The following NRG3 variants were observed in gnomAD, a reference collection of about 807,000 sequenced individuals.
NRG3 encodes neuregulin 3.
A neutral mutation model predicts 66.9 loss-of-function variants in NRG3; 31 were observed. The ratio of observed to expected loss-of-function variants is 0.46; its 90% CI spans 0.35 to 0.63. The LOEUF (loss-of-function observed/expected upper bound fraction) is 0.63, where lower values mean the gene tolerates loss of function less well. Ranked by LOEUF, NRG3 falls within the 20% of genes least tolerant of loss-of-function variation. NRG3 has a pLI of 0.00. For missense variants in NRG3, 910 were observed against 878.9 expected, an observed-to-expected ratio of 1.04 and a Z score of -0.45; for synonymous variants, 393 against 359.4, an observed-to-expected ratio of 1.09 and a Z score of -1.06.
At chr10:82,390,456 T>G (rs755503952) in intron 2 of NRG3, among the ~76,000 whole-genome samples, 1 of 152,082 alleles carries the variant, frequency 6.6e-6, no homozygotes, top group Non-Finnish European at 1.5e-5. Context: ...GAGGAAGAAG[T>G]ATATTCTTTA....
At chr10:82,534,066 A>G (rs1847571921) in intron 2 of NRG3, among the ~76,000 whole-genome samples, 1 of 152,198 alleles carries the variant, frequency 6.6e-6, no homozygotes, top group African/African-American at 2.4e-5. Context: ...AACTTAACTA[A>G]GAAGGTAAAT....
chr10:82,811,131 T>A (rs542055654), intron 3 of NRG3, among the ~76,000 whole-genome samples: 1 of 152,314 alleles, frequency 6.6e-6, no homozygotes, highest in South Asian at 2.1e-4. Flanking sequence ...CAAGCATATA[T>A]ACATACAAAC....
At chr10:82,564,124 A>G (rs1186344535) in intron 2 of NRG3, among the ~76,000 whole-genome samples, 2 of 152,290 alleles carry the variant, frequency 1.3e-5, no homozygotes, top group Middle Eastern at 3.4e-3. Context: ...AGTTTAGATA[A>G]TGAATAAAAT....
chr10:82,328,630 A>T (rs1396949113), intron 1 of NRG3, among the ~76,000 whole-genome samples: 1 of 152,160 alleles, frequency 6.6e-6, no homozygotes, highest in East Asian at 1.9e-4. Flanking sequence ...TAACCTCACC[A>T]TAGTCAGGGT....
chr10:82,793,725 A>G lies in NRG3; in HGVS notation c.1027+55075A>G, dbSNP rs1369582757. Among the ~76,000 whole-genome samples, 4 of 152,248 alleles carry G rather than the reference A, an allele frequency of 2.6e-5. No individual in the cohort carries two copies. The South Asian group carries it at 6.2e-4, about 24-fold the overall frequency. ...TCATCACTTTTATTCTGTGACTGAG[A>G]TAGATGAGATTGTCTCTTCCTGGAT... On this transcript the variant is annotated intron_variant, in intron 3 of 8. Transcript: ENST00000372141.
At chr10:82,348,199 C>G (rs921002204) in intron 1 of NRG3, among the ~76,000 whole-genome samples, 47 of 152,198 alleles carry the variant, frequency 3.1e-4, no homozygotes, top group Non-Finnish European at 6.3e-4. Context: ...TTTGCAGCAG[C>G]TGGTACCTGT....
chr10:82,787,205 A>G (rs2060406762), intron 3 of NRG3, among the ~76,000 whole-genome samples: 1 of 152,112 alleles, frequency 6.6e-6, no homozygotes, highest in African/African-American at 2.4e-5. Flanking sequence ...GTGATGCCCT[A>G]CTGATTTTAC....
At chr10:82,363,764 A>G (rs2084342917) in intron 2 of NRG3, among the ~76,000 whole-genome samples, 1 of 152,152 alleles carries the variant, frequency 6.6e-6, no homozygotes. Context: ...GCCCATAGAC[A>G]TGCTTGTGAA....
chr10:82,174,194 G>A (rs765132489), intron 1 of NRG3, among the ~76,000 whole-genome samples: 1 of 152,150 alleles, frequency 6.6e-6, no homozygotes, highest in South Asian at 2.1e-4. Context: ...AATTTTGAAA[G>A]ACTAGTAGTC....
intron 2 of NRG3, among the ~76,000 whole-genome samples, chr10:82,445,641 C>G (rs2090679754): frequency 6.6e-6 from 1 of 152,132 alleles, no homozygotes; most frequent in Non-Finnish European, 1.5e-5. Context: ...TCCTCTCCAC[C>G]TGTCATACCA....
In NRG3 at chr10:82,220,506, A is replaced by G. The variant is rs77855691; in HGVS notation, c.824-138233A>G. Among the ~76,000 whole-genome samples, 242 of 152,194 alleles carry G rather than the reference A, an allele frequency of 1.6e-3. 6 individuals are homozygous for G. In the East Asian group the frequency reaches 0.041, roughly 26 times the overall value. The stretch of plus-strand genomic sequence containing the variant: ...TGTGTTAGGGGGATCCTACAGGAAG[A>G]AGATCTGGGAGATTTTTCTTGAGGT... On this transcript the variant is annotated intron_variant, in intron 1 of 8. Transcript: ENST00000372141.
chr10:82,529,227 G>A lies in NRG3; in HGVS notation c.953+170359G>A, dbSNP rs149551440. ...TGCGACTAAGGACTGCTAACTCTGT[G>A]GCTTCAGGTGTCTGTGGTAGAGGCA... On this transcript the variant is annotated intron_variant, in intron 2 of 8. Transcript: ENST00000372141. Among the ~76,000 whole-genome samples, 278 of 152,314 alleles carry A rather than the reference G, an allele frequency of 1.8e-3. 1 individual carries two copies. Among genetic ancestry groups the A allele is most frequent in the Middle Eastern group, 6.8e-3 (2 of 294 alleles).
chr10:82,192,167 G>T (rs1480475621), intron 1 of NRG3, among the ~76,000 whole-genome samples: 1 of 152,094 alleles, frequency 6.6e-6, no homozygotes, highest in Non-Finnish European at 1.5e-5. Flanking sequence ...CAGTAACTCA[G>T]TGCAACCCGT....
intron 3 of NRG3, among the ~76,000 whole-genome samples, chr10:82,800,282 A>G (rs2060982428): frequency 6.6e-6 from 1 of 152,198 alleles, no homozygotes; most frequent in Non-Finnish European, 1.5e-5. Context: ...AAGGTGAGAG[A>G]CATCTTACAT....
chr10:82,285,354 T>C (rs1774891430), intron 1 of NRG3, among the ~76,000 whole-genome samples: 1 of 152,296 alleles, frequency 6.6e-6, no homozygotes, highest in African/African-American at 2.4e-5. Context: ...CATTCCTGGA[T>C]CAATCCCACT....
chr10:82,892,842 TAA>T (rs1412160735), intron 4 of NRG3, among the ~76,000 whole-genome samples: 6 of 151,922 alleles, frequency 3.9e-5, no homozygotes, highest in African/African-American at 1.2e-4. Flanking sequence ...TTATTAGAAA[TAA>T]GTTTCTCTCT....
intron 1 of NRG3, among the ~76,000 whole-genome samples, chr10:81,948,108 G>A (rs1350489601): frequency 6.6e-6 from 1 of 152,132 alleles, no homozygotes; most frequent in African/African-American, 2.4e-5. Context: ...AAGCCTGTGG[G>A]CATTACATAT....
In NRG3 at chr10:82,369,404, T is replaced by C. The variant is rs1345735133; in HGVS notation, c.953+10536T>C. On this transcript the variant is annotated intron_variant, in intron 2 of 8. Coordinates refer to ENST00000372141, the MANE Select transcript of NRG3 (RefSeq NM_001010848.4). ...GCCTTGACCTCCTGGGCTCAAGTGA[T>C]CCTCCTTCCTCAGCCTCCCAAGTCA... Among the ~76,000 whole-genome samples, 2 of 138,186 alleles carry C rather than the reference T, an allele frequency of 1.4e-5. 1 individual carries two copies. Among genetic ancestry groups the C allele is most frequent in the African/African-American group, 6.7e-5 (2 of 29,708 alleles). 90.7% of individuals were successfully genotyped at this position (138,186 alleles called of 152,430 possible).
intron 2 of NRG3, among the ~76,000 whole-genome samples, chr10:82,368,063 C>CCCATTTCCTGTCCGTATCAA (rs1554897750): frequency 1.4e-5 from 2 of 142,692 alleles, no homozygotes; most frequent in Admixed American, 6.7e-5. Context: ...ATTCAGTTTT[C>CCCATTTCCTGTCCGTATCAA]TTATCTGTGA....
Sources: allele counts gnomAD v4.1 joint callset (sites outside exome capture counted in the v4.1 genomes callset), GRCh38; gene constraint gnomAD v4.1.1; transcripts MANE v1.5; gene names NCBI Gene and HGNC (gene_info 2026-07-23, HGNC 2026-07-21).